Variants in NKX6-1 observed in about 807,000 individuals in gnomAD.
The protein encoded by NKX6-1 is homeobox protein Nkx-6.1.
NKX6-1 carries 11 observed loss-of-function variants against 24.9 expected under a neutral mutation model. That is an observed-to-expected ratio of 0.44 (90% CI 0.28 to 0.73). NKX6-1 has a LOEUF of 0.73. NKX6-1 is among the 30% of genes least tolerant of loss of function. The probability of loss-of-function intolerance (pLI) is 0.15; values close to 1 mark genes in which losing one functional copy is unlikely to be tolerated. For missense variants in NKX6-1, 487 were observed against 502.9 expected (o/e 0.97, Z 0.30); for synonymous variants, 277 against 242.9 (o/e 1.14, Z -1.31).
intron 2 of NKX6-1, among the ~76,000 whole-genome samples, chr4:84,495,322 GCTGT>G (rs1720795499): frequency 6.6e-6 from 1 of 152,224 alleles, no homozygotes. Context: ...ATATGTAGAA[GCTGT>G]CTAACTGGCC....
In NKX6-1 at chr4:84,495,799, G is replaced by C. The variant is rs370071295; in HGVS notation, c.716C>G (p.Thr239Arg). Residue 239 changes from threonine (T) to arginine (R), a missense_variant, in exon 2 of 3, where the codon ACG becomes AGG. Thr to Arg is a moderately conservative substitution (Grantham distance 71). Coordinates refer to ENST00000295886, the MANE Select transcript of NKX6-1 (RefSeq NM_006168.3). Reference protein sequence around the residue: ...LLDKDGKRKHTRPTFSGQQIF... With the variant: ...LLDKDGKRKHRRPTFSGQQIF... Reference sequence around the variant, plus strand: ...CTGCTGTCCGGAAAAAGTGGGTCTCGTGTGTTTTCTCTTCCCGTCTTTGTC... The same window carrying C: ...CTGCTGTCCGGAAAAAGTGGGTCTCCTGTGTTTTCTCTTCCCGTCTTTGTC... 1 of 1,614,148 alleles carries C rather than the reference G, an allele frequency of 6.2e-7. No homozygotes were observed. The highest frequency in any genetic ancestry group is 8.5e-7 in the Non-Finnish European group (1 of 1,180,028).
In NKX6-1 at chr4:84,497,740, A is replaced by T; in HGVS notation, c.489T>A (p.Phe163Leu). 2 of 1,281,946 alleles carry T rather than the reference A, an allele frequency of 1.6e-6. No individual in the cohort carries two copies. The highest frequency in any genetic ancestry group is 8.1e-5 in the Admixed American group (2 of 24,570). The allele number at this position is 1,281,946 out of a possible 1,614,324, so 79.4% of individuals were successfully genotyped here. Residue 163 changes from phenylalanine to leucine, a missense_variant, in exon 1 of 3, where the codon TTT becomes TTA. This residue lies in a region of NKX6-1 where 316 missense variants were observed against 311.4 expected (regional missense o/e 1.01). Transcript: ENST00000295886. This position sits in a 1 kb window ranked among gnomAD's most constrained non-coding sequence, Gnocchi z 4.8. ...PAGLLAGLPRFSSLSPPPPPP... is the reference protein window; with the variant it reads ...PAGLLAGLPRLSSLSPPPPPP... ...GCGGCGGCGGCGGGCTCAGGCTGCT[A>T]AAGCGTGGCAGTCCGGCCAGCAGCC...
chr4:84,493,649 G>C lies in NKX6-1; in HGVS notation c.844-100C>G. On this transcript the variant is annotated intron_variant, in intron 2 of 2. Coordinates refer to ENST00000295886, the MANE Select transcript of NKX6-1 (RefSeq NM_006168.3). This position sits in a 1 kb window ranked among gnomAD's most constrained non-coding sequence, Gnocchi z 5.1. Reference sequence around the variant, plus strand: ...ACTCCCGCATCTCGATGGCCCTCCCGCGGCCCCCCGAAGGCCTGCTGCCCT... The same window carrying C: ...ACTCCCGCATCTCGATGGCCCTCCCCCGGCCCCCCGAAGGCCTGCTGCCCT... 1 of 1,457,500 alleles carries C rather than the reference G, an allele frequency of 6.9e-7. No individual in the cohort carries two copies. The highest frequency in any genetic ancestry group is 1.9e-5 in the Admixed American group (1 of 52,114). The allele number at this position is 1,457,500 out of a possible 1,614,324, so 90.3% of individuals were successfully genotyped here.
Position 84,498,405 on chromosome 4 carries a change from G to T in NKX6-1, c.-177C>A. On this transcript the variant is annotated 5_prime_UTR_variant, in exon 1 of 3. Coordinates refer to ENST00000295886, the MANE Select transcript of NKX6-1 (RefSeq NM_006168.3). ...TGCCGGGAGTTGCTCGCCTAGCTGCGCAGCAGAGATGTCCAAACCCTCCAC... is the reference window on the plus strand; with the variant it reads ...TGCCGGGAGTTGCTCGCCTAGCTGCTCAGCAGAGATGTCCAAACCCTCCAC... The T allele has an allele frequency of 1.6e-6, 1 of 607,338 alleles. No homozygotes were observed. The highest frequency in any genetic ancestry group is 3.5e-5 in the East Asian group (1 of 28,892). The allele number at this position is 607,338 out of a possible 1,614,324, so 37.6% of individuals were successfully genotyped here.
chr4:84,493,649 G>A lies in NKX6-1; in HGVS notation c.844-100C>T. 2 of 1,457,498 alleles carry A rather than the reference G, an allele frequency of 1.4e-6. No homozygotes were observed. The highest frequency in any genetic ancestry group is 1.9e-6 in the Non-Finnish European group (2 of 1,074,776). 90.3% of individuals were successfully genotyped at this position (1,457,498 alleles called of 1,614,324 possible). On this transcript the variant is annotated intron_variant, in intron 2 of 2. Transcript: ENST00000295886. This position sits in a 1 kb window ranked among gnomAD's most constrained non-coding sequence, Gnocchi z 5.1. ...ACTCCCGCATCTCGATGGCCCTCCC[G>A]CGGCCCCCCGAAGGCCTGCTGCCCT...
chr4:84,497,853 A>C lies in NKX6-1; in HGVS notation c.376T>G (p.Ser126Ala), dbSNP rs1342001951. 1.6e-6 allele frequency: 2 copies of C among 1,271,448 alleles called. No individual in the cohort carries two copies. The highest frequency in any genetic ancestry group is 3.1e-5 in the South Asian group (1 of 32,718). The allele number at this position is 1,271,448 out of a possible 1,614,324, so 78.8% of individuals were successfully genotyped here. Residue 126 changes from serine to alanine, a missense_variant, in exon 1 of 3, where the codon TCC becomes GCC. Physicochemically the swap from Ser to Ala is moderately conservative, Grantham distance 99. Transcript: ENST00000295886. This position sits in a 1 kb window ranked among gnomAD's most constrained non-coding sequence, Gnocchi z 4.8. ...GAGGCAGAGGCGGACGAGGAAGAGG[A>C]GGAGGAGGAACCGGAGGGCGAGGCG... The part of the protein sequence containing the change: ...PSASPSGSSS[S>A]SSSSASASSA...
rs759646986 is a variant in NKX6-1 at position 84,498,131 on chromosome 4, G to A, written c.98C>T (p.Thr33Ile). 2.3e-6 allele frequency: 3 copies of A among 1,290,446 alleles called. No homozygotes were observed. The highest frequency in any genetic ancestry group is 2.9e-5 in the East Asian group (1 of 35,006). The allele number at this position is 1,290,446 out of a possible 1,614,324, so 79.9% of individuals were successfully genotyped here. ...AALHSMAEMKTPLYPAAYPPL... is the reference protein window; with the variant it reads ...AALHSMAEMKIPLYPAAYPPL... ...GGGATACGCGGCAGGGTACAGCGGGGTCTTCATCTCGGCCATGCTGTGCAG... is the reference window on the plus strand; with the variant it reads ...GGGATACGCGGCAGGGTACAGCGGGATCTTCATCTCGGCCATGCTGTGCAG... The change falls in exon 1 of 3, where the codon ACC becomes ATC. Residue 33 changes from threonine (T) to isoleucine (I), a missense_variant. By Grantham distance (89) the Thr-to-Ile change is moderately conservative (BLOSUM62 -1). Around this residue, in one of 3 missense-constraint regions of NKX6-1, gnomAD observed 316 missense variants for 311.4 expected, o/e 1.01. Coordinates refer to ENST00000295886, the MANE Select transcript of NKX6-1 (RefSeq NM_006168.3).
Position 84,499,244 on chromosome 4 carries a change from C to G in NKX6-1, c.-1016G>C, listed in dbSNP as rs1720896142. ...GGCTCCTCCGCTCTTTCTCTCCTTT[C>G]CTCTCTCCCTCCGGGCCTGACAGTT... On this transcript the variant is annotated 5_prime_UTR_variant, in exon 1 of 3. Transcript: ENST00000295886. 6.6e-6 allele frequency among the ~76,000 whole-genome samples: 1 copy of G among 152,260 alleles called. No homozygotes were observed. The highest frequency in any genetic ancestry group is 6.5e-5 in the Admixed American group (1 of 15,292).
chr4:84,495,790 G>A lies in NKX6-1; in HGVS notation c.725C>T (p.Thr242Ile), dbSNP rs1720806590. 1 of 1,614,046 alleles carries A rather than the reference G, an allele frequency of 6.2e-7. No homozygotes were observed. The highest frequency in any genetic ancestry group is 1.7e-5 in the Admixed American group (1 of 60,016). ...KDGKRKHTRP[T>I]FSGQQIFALE... ...GGCGAAGATCTGCTGTCCGGAAAAA[G>A]TGGGTCTCGTGTGTTTTCTCTTCCC... is the stretch of plus-strand genomic sequence containing the variant. The change falls in exon 2 of 3, where the codon ACT becomes ATT. Residue 242 changes from threonine to isoleucine, a missense_variant. Coordinates refer to ENST00000295886, the MANE Select transcript of NKX6-1 (RefSeq NM_006168.3).
rs1455701078 is a variant in NKX6-1 at position 84,493,380 on chromosome 4, T to C, written c.1013A>G (p.Lys338Arg). 1 of 1,614,180 alleles carries C rather than the reference T, an allele frequency of 6.2e-7. No individual in the cohort carries two copies. ...KPLDPNSDDEKITQLLKKHKS... is the reference protein window; with the variant it reads ...KPLDPNSDDERITQLLKKHKS... ...GTGCTTCTTCAACAGCTGCGTGATT[T>C]TCTCGTCGTCCGAGTTGGGATCCAG... Residue 338 changes from lysine to arginine, a missense_variant, in exon 3 of 3, where the codon AAA becomes AGA. Around this residue, in one of 3 missense-constraint regions of NKX6-1, gnomAD observed 126 missense variants for 105.5 expected, o/e 1.19. Coordinates refer to ENST00000295886, the MANE Select transcript of NKX6-1 (RefSeq NM_006168.3). The surrounding 1 kb of genome is among the most constrained non-coding windows in gnomAD (Gnocchi z 5.1).
At position 84,495,778 on chromosome 4, in the gene NKX6-1, T is replaced by G. The variant is rs754257636; in HGVS notation, c.737A>C (p.Gln246Pro). 16 of 1,614,188 alleles carry G rather than the reference T, an allele frequency of 9.9e-6. No individual in the cohort carries two copies. In the South Asian group the frequency reaches 1.8e-4, roughly 18 times the overall value. The change falls in exon 2 of 3, where the codon CAG (glutamine) becomes CCG (proline). Residue 246 changes from glutamine (Q) to proline (P), a missense_variant. By Grantham distance (76) the Gln-to-Pro change is moderately conservative. Around this residue, in one of 3 missense-constraint regions of NKX6-1, gnomAD observed 45 missense variants for 86.0 expected, o/e 0.52. Transcript: ENST00000295886. Reference sequence around the variant, plus strand: ...AGTCTTCTCCAGGGCGAAGATCTGCTGTCCGGAAAAAGTGGGTCTCGTGTG... The same window carrying G: ...AGTCTTCTCCAGGGCGAAGATCTGCGGTCCGGAAAAAGTGGGTCTCGTGTG... ...RKHTRPTFSG[Q>P]QIFALEKTFE...
chr4:84,498,141 C>G lies in NKX6-1; in HGVS notation c.88G>C (p.Glu30Gln), dbSNP rs941336645. The change falls in exon 1 of 3, where the codon GAG becomes CAG. Residue 30 changes from glutamate (E) to glutamine (Q), a missense_variant. By Grantham distance (29) the Glu-to-Gln change is conservative. Around this residue, in one of 3 missense-constraint regions of NKX6-1, gnomAD observed 316 missense variants for 311.4 expected, o/e 1.01. Transcript: ENST00000295886. Reference protein sequence around the residue: ...PPLAALHSMAEMKTPLYPAAY... With the variant: ...PPLAALHSMAQMKTPLYPAAY... Reference sequence around the variant, plus strand: ...GCAGGGTACAGCGGGGTCTTCATCTCGGCCATGCTGTGCAGGGCGGCCAGG... The same window carrying G: ...GCAGGGTACAGCGGGGTCTTCATCTGGGCCATGCTGTGCAGGGCGGCCAGG... 9 of 1,291,474 alleles carry G rather than the reference C, an allele frequency of 7.0e-6. No homozygotes were observed. The highest frequency in any genetic ancestry group is 6.9e-6 in the Non-Finnish European group (7 of 1,019,744). The allele number at this position is 1,291,474 out of a possible 1,614,324, so 80.0% of individuals were successfully genotyped here.
chr4:84,495,101 A>G (rs1720792006), intron 2 of NKX6-1, among the ~76,000 whole-genome samples: 1 of 152,200 alleles, frequency 6.6e-6, no homozygotes, highest in Non-Finnish European at 1.5e-5. Flanking sequence ...AATCTTGTCA[A>G]TTCATTTGTA....
Position 84,498,196 on chromosome 4 carries a change from C to T in NKX6-1, c.33G>A (p.Arg11=). MLAVGAMEGT[R]QSAFLLSSPP... The stretch of plus-strand genomic sequence containing the variant: ...GGCTGCTGAGCAGGAATGCGCTCTG[C>T]CGGGTGCCCTCCATTGCCCCCACCG... The change falls in exon 1 of 3, where the codon CGG becomes CGA. Residue 11 remains arginine, a synonymous_variant. Coordinates refer to ENST00000295886, the MANE Select transcript of NKX6-1 (RefSeq NM_006168.3). 1 of 1,297,150 alleles carries T rather than the reference C, an allele frequency of 7.7e-7. No homozygotes were observed. The highest frequency in any genetic ancestry group is 9.8e-7 in the Non-Finnish European group (1 of 1,022,392). The allele number at this position is 1,297,150 out of a possible 1,614,324, so 80.4% of individuals were successfully genotyped here. A position where few individuals can be genotyped will look rare whatever the true frequency, so the allele number is the denominator to read the frequency against.
intron 2 of NKX6-1, among the ~76,000 whole-genome samples, chr4:84,495,383 A>T (rs1298301644): frequency 6.6e-6 from 1 of 152,206 alleles, no homozygotes; most frequent in African/African-American, 2.4e-5. Context: ...TTATTCTCTA[A>T]TAATGGTGAG....
Position 84,493,546 on chromosome 4 carries a change from A to T in NKX6-1, c.847T>A (p.Trp283Arg). 1 of 1,614,106 alleles carries T rather than the reference A, an allele frequency of 6.2e-7. No homozygotes were observed. The highest frequency in any genetic ancestry group is 8.5e-7 in the Non-Finnish European group (1 of 1,179,986). ...CACTTGGTCCGGCGGTTCTGGAACC[A>T]GACCTGAGGGCGGAGAAAAGGGAGG... ...LGMTESQVKV[W>R]FQNRRTKWRK... is the part of the protein sequence containing the mutation. Residue 283 changes from tryptophan (W) to arginine (R), a missense_variant, in exon 3 of 3, where the codon TGG becomes AGG. By Grantham distance (101) the Trp-to-Arg change is moderately radical. Coordinates refer to ENST00000295886, the MANE Select transcript of NKX6-1 (RefSeq NM_006168.3). The surrounding 1 kb of genome is among the most constrained non-coding windows in gnomAD (Gnocchi z 5.1).
chr4:84,493,680 G>T lies in NKX6-1; in HGVS notation c.844-131C>A. 1 of 1,126,898 alleles carries T rather than the reference G, an allele frequency of 8.9e-7. No individual in the cohort carries two copies. The highest frequency in any genetic ancestry group is 1.2e-6 in the Non-Finnish European group (1 of 805,926). 69.8% of individuals were successfully genotyped at this position (1,126,898 alleles called of 1,614,324 possible). On this transcript the variant is annotated intron_variant, in intron 2 of 2. Coordinates refer to ENST00000295886, the MANE Select transcript of NKX6-1 (RefSeq NM_006168.3). This position sits in a 1 kb window ranked among gnomAD's most constrained non-coding sequence, Gnocchi z 5.1. ...CCCCGAAGGCCTGCTGCCCTCCCTC[G>T]CAGCCCTCCCTTTTCTCGGCCGTCA...
Position 84,497,490 on chromosome 4 carries a change from G to A in NKX6-1, c.670+69C>T. On this transcript the variant is annotated intron_variant, in intron 1 of 2. Coordinates refer to ENST00000295886, the MANE Select transcript of NKX6-1 (RefSeq NM_006168.3). The surrounding 1 kb of genome is among the most constrained non-coding windows in gnomAD (Gnocchi z 4.8). The stretch of plus-strand genomic sequence containing the variant: ...TGGACTGAGCGGCATGCACACCAGG[G>A]GCCGCGACCCGGGAGTGGGCAGAAC... 4 of 1,249,122 alleles carry A rather than the reference G, an allele frequency of 3.2e-6. No individual in the cohort carries two copies. Among genetic ancestry groups the A allele is most frequent in the Non-Finnish European group, 4.0e-6 (4 of 988,644 alleles). The allele number at this position is 1,249,122 out of a possible 1,614,324, so 77.4% of individuals were successfully genotyped here. A position where few individuals can be genotyped will look rare whatever the true frequency, so the allele number is the denominator to read the frequency against.
Position 84,492,048 on chromosome 4 carries a change from G to T in NKX6-1, c.*1241C>A, listed in dbSNP as rs964150921. On this transcript the variant is annotated 3_prime_UTR_variant, in exon 3 of 3. Transcript: ENST00000295886. ...AACAGAAAGTGCATTACATTTAACT[G>T]GTCTTGCAAAGGGGGTTTTCTTCTC... 1.3e-5 allele frequency: 2 copies of T among 151,908 alleles called. No homozygotes were observed. Among genetic ancestry groups the T allele is most frequent in the African/African-American group, 2.4e-5 (1 of 41,338 alleles). 9.4% of individuals were successfully genotyped at this position (151,908 alleles called of 1,614,324 possible).
Sources: allele counts gnomAD v4.1 joint callset (sites outside exome capture counted in the v4.1 genomes callset), GRCh38; gene constraint gnomAD v4.1.1; regional missense constraint gnomAD v4.1.1; non-coding constraint Gnocchi (gnomAD v3.1); transcripts MANE v1.5; gene names NCBI Gene and HGNC (gene_info 2026-07-23, HGNC 2026-07-21).